The following TRIM7 variants were observed in gnomAD, a reference collection of about 807,000 sequenced individuals.
TRIM7 encodes tripartite motif containing 7, also known as E3 ubiquitin-protein ligase TRIM7.
TRIM7 carries 32 observed loss-of-function variants against 37.9 expected under a neutral mutation model. The ratio of observed to expected loss-of-function variants is 0.84; its 90% CI spans 0.64 to 1.13. TRIM7 has a LOEUF of 1.13. Ranked by LOEUF, TRIM7 falls within the 50% of genes most tolerant of loss-of-function variation. The pLI is 0.00. For synonymous variants in TRIM7, 351 were observed against 321.3 expected, an observed-to-expected ratio of 1.09 and a Z score of -0.99; for missense variants, 732 against 714.0, an observed-to-expected ratio of 1.03 and a Z score of -0.29.
At position 181,198,209 on chromosome 5, in the gene TRIM7, C is replaced by T. The variant is rs371275633; in HGVS notation, c.998G>A (p.Arg333Gln). 97 of 1,614,008 alleles carry T rather than the reference C, an allele frequency of 6.0e-5. No homozygotes were observed. The highest frequency in any genetic ancestry group is 1.4e-4 in the South Asian group (13 of 91,066). The change falls in exon 6 of 7, where the codon CGG (arginine) becomes CAG (glutamine). Residue 333 changes from arginine to glutamine, a missense_variant. Coordinates refer to ENST00000274773, the MANE Select transcript of TRIM7 (RefSeq NM_203293.3). Reference protein sequence around the residue: ...GMLKKFKEDLRGELEKEEKVE... With the variant: ...GMLKKFKEDLQGELEKEEKVE... ...TTTCTCCTCTTTCTCCAGCTCTCCC[C>T]GAAGGTCCTCTGAGGAGGAGAAACA...
intron 2 of TRIM7, chr5:181,200,932 A>G: frequency 1.0e-6 from 1 of 985,422 alleles, no homozygotes. Flanking sequence ...AGGCTGCAGT[A>G]GCCTGGAGCG....
intron 1 of TRIM7, 176 bp from the exon 2 acceptor site, chr5:181,203,816 G>A: frequency 7.3e-7 from 1 of 1,365,002 alleles, no homozygotes; most frequent in Non-Finnish European, 9.4e-7. Context: ...TGAAGGTCTC[G>A]GGATCTTGCT....
Position 181,203,653 on chromosome 5 carries a change from G to A in TRIM7, c.523-13C>T. On this transcript the variant is annotated splice_polypyrimidine_tract_variant and intron_variant, in intron 1 of 6. Coordinates refer to ENST00000274773, the MANE Select transcript of TRIM7 (RefSeq NM_203293.3). ...ACTCCAAGAGCTCCTGTAGATGAAGGGAAACAATGTAAGGTGGGGGTGAGG... is the reference window on the plus strand; with the variant it reads ...ACTCCAAGAGCTCCTGTAGATGAAGAGAAACAATGTAAGGTGGGGGTGAGG... The A allele has an allele frequency of 1.2e-6, 2 of 1,603,858 alleles. No homozygotes were observed.
intron 2 of TRIM7, among the ~76,000 whole-genome samples, chr5:181,201,725 A>G (rs1301190420): frequency 1.3e-5 from 2 of 152,266 alleles, no homozygotes; most frequent in South Asian, 2.1e-4. Context: ...GACTCTGTCT[A>G]AAAGCAAAGC....
intron 1 of TRIM7, chr5:181,204,076 C>T (rs1481725123): frequency 8.0e-6 from 8 of 1,000,682 alleles, no homozygotes; most frequent in Admixed American, 5.6e-5. Context: ...GAATCGACAG[C>T]GTTGGCACAG....
rs1391820604 is a variant in TRIM7 at position 181,195,070 on chromosome 5, C to G, written c.*96G>C. 4 of 1,446,658 alleles carry G rather than the reference C, an allele frequency of 2.8e-6. No homozygotes were observed. The highest frequency in any genetic ancestry group is 3.7e-6 in the Non-Finnish European group (4 of 1,072,072). 89.6% of individuals were successfully genotyped at this position (1,446,658 alleles called of 1,614,324 possible). A position where few individuals can be genotyped will look rare whatever the true frequency, so the allele number is the denominator to read the frequency against. ...TCTCTTGGGCAGCAGGGGTCAGGAG[C>G]ACGGAGGGCAGACCCAAGACGGACC... On this transcript the variant is annotated 3_prime_UTR_variant, in exon 7 of 7. Coordinates refer to ENST00000274773, the MANE Select transcript of TRIM7 (RefSeq NM_203293.3).
At position 181,205,189 on chromosome 5, in the gene TRIM7, G is replaced by A; in HGVS notation, c.-79C>T. 1 of 1,247,400 alleles carries A rather than the reference G, an allele frequency of 8.0e-7. No individual in the cohort carries two copies. The highest frequency in any genetic ancestry group is 3.2e-5 in the East Asian group (1 of 31,578). 77.3% of individuals were successfully genotyped at this position (1,247,400 alleles called of 1,614,324 possible). Reference sequence around the variant, plus strand: ...ACAGGACGCGGAGCTGGGCGCCGAGGGCCCACTGGGAGAGGAAGGGCGGGG... The same window carrying A: ...ACAGGACGCGGAGCTGGGCGCCGAGAGCCCACTGGGAGAGGAAGGGCGGGG... On this transcript the variant is annotated 5_prime_UTR_variant, in exon 1 of 7. Coordinates refer to ENST00000274773, the MANE Select transcript of TRIM7 (RefSeq NM_203293.3).
intron 2 of TRIM7, chr5:181,202,064 G>A (rs777939279): frequency 4.6e-5 from 7 of 152,278 alleles, no homozygotes; most frequent in African/African-American, 7.2e-5. Flanking sequence ...GGACCCTAGG[G>A]TGTCTGAACT....
At chr5:181,203,446 T>C in intron 2 of TRIM7, 99 bp downstream of exon 2, 1 of 1,551,728 alleles carries the variant, frequency 6.4e-7, no homozygotes, top group Non-Finnish European at 8.7e-7. Flanking sequence ...ATTCTGCGGT[T>C]CCATAGCACA....
At chr5:181,199,223 A>C in intron 3 of TRIM7, 106 bp from the exon 4 acceptor site, 1 of 1,375,916 alleles carries the variant, frequency 7.3e-7, no homozygotes, top group Non-Finnish European at 1.0e-6. Context: ...AAGCATAAGC[A>C]AGTGTGCCAC....
In TRIM7 at chr5:181,199,031, A is replaced by T. The variant is rs72821730; in HGVS notation, c.872+64T>A. 2.7e-3 allele frequency: 4,353 copies of T among 1,602,148 alleles called. 13 individuals carry two copies. The highest frequency in any genetic ancestry group is 3.4e-3 in the Non-Finnish European group (3,985 of 1,169,082). ...AGAGGTCAGGGGACAGGGAATAAAG[A>T]CAAGGCTCAGTGAAAAGGGAAGAAG... On this transcript the variant is annotated intron_variant, in intron 4 of 6. Coordinates refer to ENST00000274773, the MANE Select transcript of TRIM7 (RefSeq NM_203293.3).
Position 181,195,128 on chromosome 5 carries a change from C to T in TRIM7, c.*38G>A, listed in dbSNP as rs1476958562. 6.4e-7 allele frequency: 1 copy of T among 1,553,466 alleles called. No individual in the cohort carries two copies. The highest frequency in any genetic ancestry group is 1.2e-5 in the South Asian group (1 of 81,626). Reference sequence around the variant, plus strand: ...TCTGGGGAGGCGACATCCCCTCCCACCGGCAGCCCAGAGACAGGAGCTCCC... The same window carrying T: ...TCTGGGGAGGCGACATCCCCTCCCATCGGCAGCCCAGAGACAGGAGCTCCC... On this transcript the variant is annotated 3_prime_UTR_variant, in exon 7 of 7. Transcript: ENST00000274773.
chr5:181,204,396 G>A (rs932751255), intron 1 of TRIM7, 193 bp downstream of exon 1: 26 of 1,185,588 alleles, frequency 2.2e-5, no homozygotes, highest in Non-Finnish European at 2.6e-5. Context: ...TGGGGGTATT[G>A]GTGATGTTGG....
At chr5:181,203,216 G>A (rs1043594245) in intron 2 of TRIM7, 43 of 1,043,390 alleles carry the variant, frequency 4.1e-5, no homozygotes, top group Non-Finnish European at 4.8e-5. Flanking sequence ...TGCAGAAATA[G>A]TAATGTGTTC....
intron 6 of TRIM7, 136 bp downstream of exon 6, chr5:181,198,047 G>A (rs1757241611): frequency 1.2e-6 from 1 of 832,324 alleles, no homozygotes; most frequent in Admixed American, 2.1e-5. Context: ...TGGGGGAGGG[G>A]ACAGAGGAAC....
chr5:181,196,406 TAAC>T (rs1173124045), intron 6 of TRIM7: 2 of 150,574 alleles, frequency 1.3e-5, no homozygotes, highest in Non-Finnish European at 3.0e-5. Flanking sequence ...AAAATAATAA[TAAC>T]AATAATACAG....
At chr5:181,198,393 C>G in intron 5 of TRIM7, 175 bp from the exon 6 acceptor site, 1 of 706,638 alleles carries the variant, frequency 1.4e-6, no homozygotes, top group Non-Finnish European at 2.5e-6. Flanking sequence ...GGGCCCATAC[C>G]CAAGCATTCT....
At chr5:181,202,283 G>A in intron 2 of TRIM7, 1 of 149,640 alleles carries the variant, frequency 6.7e-6, no homozygotes, top group Non-Finnish European at 1.5e-5. Flanking sequence ...GGGTTCAAGT[G>A]ATTCTCCTGC....
intron 1 of TRIM7, chr5:181,204,124 C>T (rs1757677521): frequency 2.0e-6 from 2 of 998,588 alleles, no homozygotes; most frequent in Non-Finnish European, 1.2e-6. Flanking sequence ...CCCGGGAGCC[C>T]CCTCCCTGGA....
Sources: allele counts gnomAD v4.1 joint callset (sites outside exome capture counted in the v4.1 genomes callset), GRCh38; gene constraint gnomAD v4.1.1; transcripts MANE v1.5; gene names NCBI Gene and HGNC (gene_info 2026-07-23, HGNC 2026-07-21).